CHRM3: variants seen among roughly 807,000 people sequenced by gnomAD.
CHRM3 encodes the protein cholinergic receptor muscarinic 3.
A neutral mutation model predicts 41.8 loss-of-function variants in CHRM3; 11 were observed. The ratio of observed to expected loss-of-function variants is 0.26; its 90% CI spans 0.17 to 0.44. The LOEUF is 0.44. Among genes scored for constraint, CHRM3 ranks in the 20% least tolerant of loss-of-function variants. CHRM3 has a pLI of 1.00. For synonymous variants in CHRM3, 297 were observed against 301.4 expected (o/e 0.99, Z 0.15); for missense variants, 571 against 745.4 (o/e 0.77, Z 2.72).
At chr1:239,788,995 C>T (rs752047526) in intron 5 of CHRM3, among the ~76,000 whole-genome samples, 1 of 152,170 alleles carries the variant, frequency 6.6e-6, no homozygotes, top group Non-Finnish European at 1.5e-5. Flanking sequence ...TCTTATATTT[C>T]GCTTGTGTAA....
chr1:239,795,425 C>G (rs1187754117), intron 5 of CHRM3, among the ~76,000 whole-genome samples: 1 of 152,122 alleles, frequency 6.6e-6, no homozygotes, highest in Non-Finnish European at 1.5e-5. Context: ...CAATTAATTA[C>G]CCATTTCAAC....
intron 5 of CHRM3, among the ~76,000 whole-genome samples, chr1:239,764,437 C>T (rs1436230046): frequency 3.6e-4 from 55 of 152,208 alleles, no homozygotes; most frequent in East Asian, 1.9e-4. Context: ...AGTTCCCATC[C>T]GAATTGTTCT....
At chr1:239,719,299 C>T (rs717227) in intron 5 of CHRM3, among the ~76,000 whole-genome samples, 76,927 of 151,722 alleles carry the variant, frequency 0.51, 19,738 homozygotes, top group Admixed American at 0.56. Context: ...TTGGTTATAC[C>T]TGTCCACTTT....
intron 6 of CHRM3, among the ~76,000 whole-genome samples, chr1:239,828,720 G>C (rs866720479): frequency 3.3e-5 from 5 of 152,042 alleles, no homozygotes; most frequent in Non-Finnish European, 7.4e-5. Flanking sequence ...AAGGCACCTG[G>C]GAGCTAGAAT....
chr1:239,659,734 A>C (rs574419723), intron 4 of CHRM3, among the ~76,000 whole-genome samples: 1 of 152,074 alleles, frequency 6.6e-6, no homozygotes, highest in Non-Finnish European at 1.5e-5. Flanking sequence ...TATCTCCCCA[A>C]CTCTCCAAAG....
chr1:239,641,296 C>T (rs1671122921), intron 4 of CHRM3, among the ~76,000 whole-genome samples: 1 of 151,670 alleles, frequency 6.6e-6, no homozygotes, highest in Non-Finnish European at 1.5e-5. Flanking sequence ...TGGTGCAGAG[C>T]TGAGTTCAAT....
chr1:239,801,052 G>T (rs1373446478), intron 5 of CHRM3, among the ~76,000 whole-genome samples: 1 of 152,146 alleles, frequency 6.6e-6, no homozygotes, highest in Non-Finnish European at 1.5e-5. Context: ...CGGGGTGCCA[G>T]GGAGGCTTAA....
intron 1 of CHRM3, among the ~76,000 whole-genome samples, chr1:239,491,023 A>G (rs1667518646): frequency 6.6e-6 from 1 of 152,140 alleles, no homozygotes; most frequent in Admixed American, 6.5e-5. Context: ...TACAGGCATG[A>G]GCTGTGGCTC....
chr1:239,405,048 A>G (rs1413971837), intron 1 of CHRM3, among the ~76,000 whole-genome samples: 1 of 152,082 alleles, frequency 6.6e-6, no homozygotes, highest in Non-Finnish European at 1.5e-5. Flanking sequence ...TGAACAGTCT[A>G]AAAAATGGAC....
At chr1:239,860,898 C>T (rs907487561) in intron 6 of CHRM3, among the ~76,000 whole-genome samples, 2 of 152,098 alleles carry the variant, frequency 1.3e-5, no homozygotes, top group Non-Finnish European at 2.9e-5. Flanking sequence ...CCTTTAATCC[C>T]TATCAGTTGT....
chr1:239,603,640 C>T (rs1195565810), intron 3 of CHRM3, among the ~76,000 whole-genome samples: 1 of 152,072 alleles, frequency 6.6e-6, no homozygotes, highest in South Asian at 2.1e-4. Context: ...AAAAACCAAC[C>T]CTTTGCTTTA....
chr1:239,814,526 A>C (rs2149003393), intron 5 of CHRM3, among the ~76,000 whole-genome samples: 1 of 152,288 alleles, frequency 6.6e-6, no homozygotes, highest in South Asian at 2.1e-4. Context: ...CCTCTGTGGT[A>C]ACTGTCATGC....
intron 6 of CHRM3, among the ~76,000 whole-genome samples, chr1:239,859,434 T>TG (rs1368159601): frequency 1.3e-5 from 2 of 150,184 alleles, no homozygotes; most frequent in Non-Finnish European, 3.0e-5. Flanking sequence ...TTTTTTTTGT[T>TG]TTTTTTTTTG....
rs114335560 is a variant in CHRM3, at chr1:239,610,698, G to A, written c.-312-21526G>A. Among the ~76,000 whole-genome samples the A allele has an allele frequency of 2.3e-3, 347 of 152,262 alleles. 1 individual carries two copies. Among genetic ancestry groups the A allele is most frequent in the African/African-American group, 7.9e-3 (327 of 41,552 alleles). On this transcript the variant is annotated intron_variant, in intron 3 of 6. Coordinates refer to ENST00000676153, the MANE Select transcript of CHRM3 (RefSeq NM_001375978.1). ...TGTGACAGAGTAGAGTTCACATCAA[G>A]CCTCCTTAACTTTAGCCTCCACCCT...
chr1:239,457,064 C>G (rs894518069), intron 1 of CHRM3, among the ~76,000 whole-genome samples: 2 of 152,112 alleles, frequency 1.3e-5, no homozygotes, highest in Admixed American at 6.6e-5. Flanking sequence ...TGTCATTCCC[C>G]GGAAATCCTC....
At chr1:239,457,302 T>C (rs1665024222) in intron 1 of CHRM3, among the ~76,000 whole-genome samples, 1 of 152,212 alleles carries the variant, frequency 6.6e-6, no homozygotes, top group Admixed American at 6.5e-5. Flanking sequence ...CTCAATATGA[T>C]GCTTGACATA....
chr1:239,473,026 A>G (rs1666231749), intron 1 of CHRM3, among the ~76,000 whole-genome samples: 1 of 152,184 alleles, frequency 6.6e-6, no homozygotes, highest in Admixed American at 6.5e-5. Context: ...ATTAGCATTT[A>G]AAAAGAACAG....
At chr1:239,851,673 A>G (rs1049709692) in intron 6 of CHRM3, among the ~76,000 whole-genome samples, 8 of 152,204 alleles carry the variant, frequency 5.3e-5, no homozygotes, top group South Asian at 4.1e-4. Context: ...TCATTGTAAT[A>G]TACTTATGGA....
chr1:239,449,389 A>G (rs540907336), intron 1 of CHRM3, among the ~76,000 whole-genome samples: 1 of 152,312 alleles, frequency 6.6e-6, no homozygotes, highest in South Asian at 2.1e-4. Context: ...AAAGAAAATT[A>G]CTATATAAAG....
Sources: gnomAD v4.1 joint callset for allele counts (sites outside exome capture counted in the v4.1 genomes callset) on GRCh38, gnomAD v4.1.1 for gene constraint, MANE v1.5 for transcripts, NCBI Gene and HGNC (gene_info 2026-07-23, HGNC 2026-07-21) for gene names.